The following PWWP2A variants were observed in gnomAD, a reference collection of about 807,000 sequenced individuals.
PWWP2A encodes PWWP domain-containing protein 2A.
Under a neutral mutation model 48.5 loss-of-function variants are expected in PWWP2A, and 18 were observed. The observed-to-expected ratio is 0.37, with a 90% CI of 0.26 to 0.55. The LOEUF (loss-of-function observed/expected upper bound fraction) is 0.55. Ranked by LOEUF, PWWP2A falls within the 20% of genes least tolerant of loss-of-function variation. The pLI is 0.81. For synonymous variants in PWWP2A, 396 were observed against 387.7 expected (o/e 1.02, Z -0.25); for missense variants, 867 against 976.4 (o/e 0.89, Z 1.49).
Position 160,113,234 on chromosome 5 carries a change from TTTTC to T in PWWP2A, c.584+5567_584+5570del, listed in dbSNP as rs1326536824. On this transcript the variant is annotated intron_variant, in intron 1 of 1. Transcript: ENST00000307063. ...TAATTTACTATTTAGTACCACTTTC[TTTTC>T]TTTCTTGAGTTATGTATGTCCAGCT... 14 of 983,124 alleles carry T rather than the reference TTTTC, an allele frequency of 1.4e-5. No individual in the cohort carries two copies. The African/African-American group carries it at 2.3e-4, about 16-fold the overall frequency. 60.9% of individuals were successfully genotyped at this position (983,124 alleles called of 1,614,324 possible).
intron 1 of PWWP2A, chr5:160,105,795 A>T (rs1210756569): frequency 1.8e-5 from 4 of 222,228 alleles, no homozygotes; most frequent in Non-Finnish European, 3.0e-5. Context: ...AAAAAAAAAA[A>T]TTCCTCAAAG....
downstream of PWWP2A, among the ~76,000 whole-genome samples, chr5:160,072,378 G>A (rs1753758154): frequency 6.6e-6 from 1 of 152,206 alleles, no homozygotes. Context: ...GCCAGTTCAA[G>A]AGGTAGGGTG....
At chr5:160,085,309 A>G (rs1754543018) in intron 2 of PWWP2A, among the ~76,000 whole-genome samples, 1 of 152,188 alleles carries the variant, frequency 6.6e-6, no homozygotes, top group African/African-American at 2.4e-5. Context: ...CCTGATATGC[A>G]TTATAATTAC....
downstream of PWWP2A, among the ~76,000 whole-genome samples, chr5:160,071,844 C>T (rs1054157707): frequency 4.6e-5 from 7 of 152,200 alleles, no homozygotes; most frequent in African/African-American, 1.7e-4. Context: ...CCCTTCATTA[C>T]TGTGCCGGTT....
At position 160,083,038 on chromosome 5, in the gene PWWP2A, T is replaced by C. The variant is rs1431539316; in HGVS notation, c.1550-2268A>G. On this transcript the variant is annotated intron_variant, in intron 2 of 3. Transcript: ENST00000456329. The stretch of plus-strand genomic sequence containing the variant: ...CTAAAAACTTAAGAGCATTAGACAT[T>C]ATCTCACTGAACACTCAAAATGAAT... 2.0e-5 allele frequency among the ~76,000 whole-genome samples: 3 copies of C among 152,192 alleles called. No homozygotes were observed. The East Asian group carries it at 5.8e-4, about 29-fold the overall frequency.
chr5:160,049,541 G>A, the PWWP2A span: 2 of 1,589,544 alleles, frequency 1.3e-6, no homozygotes, highest in Non-Finnish European at 1.7e-6. Flanking sequence ...AGCTATATCA[G>A]GGCAATATTG....
chr5:160,086,626 C>T (rs145117671), downstream of PWWP2A, among the ~76,000 whole-genome samples: 2,739 of 152,254 alleles, frequency 0.018, 44 homozygotes, highest in Non-Finnish European at 0.027. Context: ...GGCGCAGTGG[C>T]TCACGCCTAT....
chr5:160,052,547 G>T, the PWWP2A span, among the ~76,000 whole-genome samples: 3 of 6,590 alleles, frequency 4.6e-4, no homozygotes, highest in African/African-American at 7.2e-4. Context: ...CTCTATTTTA[G>T]CAAAAAAAAA....
At position 160,081,239 on chromosome 5, in the gene PWWP2A, C is replaced by CTTT. The variant is rs11410217; in HGVS notation, c.1550-472_1550-470dup. On this transcript the variant is annotated intron_variant, in intron 2 of 3. Coordinates refer to the PWWP2A transcript ENST00000456329. ...CATAATTAATGAGCTCAATGACCCC[C>CTTT]TTTTTTTTTTTTTTTTTTTGAGACA... is the stretch of plus-strand genomic sequence containing the variant. Among the ~76,000 whole-genome samples the CTTT allele has an allele frequency of 2.9e-3, 391 of 133,734 alleles. 3 individuals carry two copies. Among genetic ancestry groups the CTTT allele is most frequent in the African/African-American group, 9.7e-3 (351 of 36,064 alleles). 87.7% of individuals were successfully genotyped at this position (133,734 alleles called of 152,430 possible).
downstream of PWWP2A, among the ~76,000 whole-genome samples, chr5:160,073,768 T>A (rs1386026972): frequency 6.6e-6 from 1 of 152,110 alleles, no homozygotes; most frequent in Non-Finnish European, 1.5e-5. Flanking sequence ...GTTAAGGCCA[T>A]GAAATTTCAT....
chr5:160,109,824 T>A (rs1309078297), intron 1 of PWWP2A, among the ~76,000 whole-genome samples: 937 of 91,438 alleles, frequency 0.01, 20 homozygotes, highest in African/African-American at 0.036. Flanking sequence ...AATATAATAA[T>A]ATATATATAT....
chr5:160,096,093 T>A (rs955514856), intron 1 of PWWP2A, among the ~76,000 whole-genome samples: 9 of 152,168 alleles, frequency 5.9e-5, no homozygotes, highest in Non-Finnish European at 1.3e-4. Flanking sequence ...GGGCAGGATT[T>A]ACAAAGAGCC....
At chr5:160,085,505 CTTTTTTT>C in intron 2 of PWWP2A, among the ~76,000 whole-genome samples, 1 of 109,820 alleles carries the variant, frequency 9.1e-6, no homozygotes, top group Admixed American at 1.0e-4. Flanking sequence ...CTGTCACATT[CTTTTTTT>C]TTTTTTTTTT....
At chr5:160,082,375 C>G (rs1036896768) in intron 2 of PWWP2A, among the ~76,000 whole-genome samples, 9 of 150,296 alleles carry the variant, frequency 6.0e-5, no homozygotes, top group African/African-American at 2.0e-4. Context: ...ACCCGGGAGG[C>G]GGAGCTTGCA....
At chr5:160,107,322 A>G (rs1757002290) in intron 1 of PWWP2A, among the ~76,000 whole-genome samples, 1 of 152,194 alleles carries the variant, frequency 6.6e-6, no homozygotes, top group East Asian at 1.9e-4. Flanking sequence ...CCACTGCCCA[A>G]AAGTGTTTAG....
intron 1 of PWWP2A, among the ~76,000 whole-genome samples, chr5:160,111,044 GT>G (rs1757513019): frequency 6.6e-6 from 1 of 151,950 alleles, no homozygotes; most frequent in Non-Finnish European, 1.5e-5. Context: ...CTTAGGCTGG[GT>G]GCAGTGGCTC....
At chr5:160,108,678 A>G (rs1757141411) in intron 1 of PWWP2A, 6 of 956,602 alleles carry the variant, frequency 6.3e-6, no homozygotes, top group Non-Finnish European at 5.8e-6. Flanking sequence ...AATTTTCTAC[A>G]AATTGCTTTC....
At chr5:160,108,462 A>G in intron 1 of PWWP2A, 1 of 570,536 alleles carries the variant, frequency 1.8e-6, no homozygotes, top group South Asian at 1.6e-5. Flanking sequence ...ATGTACCACA[A>G]CACAATCATT....
Position 160,119,029 on chromosome 5 carries a change from CGGCGATGCA to C in PWWP2A, c.351_359del (p.Ala118_Pro120del). 1 of 1,597,104 alleles carries C rather than the reference CGGCGATGCA, an allele frequency of 6.3e-7. No individual in the cohort carries two copies. ...CCTCGGGAGCCGGGGGCTGCTCCGG[CGGCGATGCA>C]GGAGAAGGTGGAAGTTCCGGCCCTC... is the stretch of plus-strand genomic sequence containing the variant. On this transcript the variant is annotated inframe_deletion, in exon 1 of 2. Coordinates refer to ENST00000307063, the MANE Select transcript of PWWP2A (RefSeq NM_001130864.2).
Sources: gnomAD v4.1 joint callset for allele counts (sites outside exome capture counted in the v4.1 genomes callset) on GRCh38, gnomAD v4.1.1 for gene constraint, MANE v1.5 for transcripts, NCBI Gene and HGNC (gene_info 2026-07-23, HGNC 2026-07-21) for gene names.